WWOX: variants seen among roughly 807,000 people sequenced by gnomAD.
The protein encoded by WWOX is WW domain containing oxidoreductase.
WWOX carries 69 observed loss-of-function variants against 46.2 expected under a neutral mutation model. The ratio of observed to expected loss-of-function variants is 1.49; its 90% CI spans 1.23 to 1.82. The LOEUF is 1.82. WWOX is among the 40% of genes most tolerant of loss of function. The probability of loss-of-function intolerance (pLI) is 0.00; values close to 1 mark genes in which losing one functional copy is unlikely to be tolerated. For missense variants in WWOX, 919 were observed against 542.6 expected (o/e 1.69, Z -6.89); for synonymous variants, 359 against 202.6 (o/e 1.77, Z -6.56).
intron 8 of WWOX, among the ~76,000 whole-genome samples, chr16:78,744,386 A>T (rs918800726): frequency 2.7e-5 from 4 of 149,110 alleles, no homozygotes; most frequent in Non-Finnish European, 4.4e-5. Context: ...AGACGCTTGA[A>T]GGGGCCAGAT....
At chr16:78,662,715 G>T (rs2142176754) in intron 8 of WWOX, among the ~76,000 whole-genome samples, 2 of 152,316 alleles carry the variant, frequency 1.3e-5, no homozygotes, top group Non-Finnish European at 2.9e-5. Flanking sequence ...TGTAATTGAG[G>T]GTGGTCATTG....
At chr16:78,563,297 C>G (rs2044482601) in intron 8 of WWOX, among the ~76,000 whole-genome samples, 1 of 152,114 alleles carries the variant, frequency 6.6e-6, no homozygotes, top group Non-Finnish European at 1.5e-5. Context: ...CCTTCTGCAA[C>G]TTTCCTTTTA....
At chr16:78,477,052 T>G (rs1184410786) in intron 8 of WWOX, among the ~76,000 whole-genome samples, 1 of 152,158 alleles carries the variant, frequency 6.6e-6, no homozygotes, top group African/African-American at 2.4e-5. Flanking sequence ...AACACAATCT[T>G]GAATTACCAG....
rs182608280 is a variant in WWOX, at chr16:78,415,508, C to G, written c.606-9362C>G. ...CCAGTAGGTCTCAATCTTATTTTAC[C>G]CAGCCCCTATTCAAAATGGAGTCAC... On this transcript the variant is annotated intron_variant, in intron 6 of 8. Coordinates refer to ENST00000566780, the MANE Select transcript of WWOX (RefSeq NM_016373.4). Among the ~76,000 whole-genome samples, 26 of 152,220 alleles carry G rather than the reference C, an allele frequency of 1.7e-4. No individual in the cohort carries two copies. The East Asian group carries it at 4.8e-3, about 28-fold the overall frequency.
At chr16:78,773,354 C>G (rs902444213) in intron 8 of WWOX, among the ~76,000 whole-genome samples, 3 of 152,190 alleles carry the variant, frequency 2.0e-5, no homozygotes, top group Admixed American at 6.5e-5. Flanking sequence ...GAATGTTCAG[C>G]TGTTTCCTAG....
intron 8 of WWOX, among the ~76,000 whole-genome samples, chr16:78,807,844 A>C (rs1037297428): frequency 1.2e-4 from 19 of 152,202 alleles, no homozygotes; most frequent in African/African-American, 4.1e-4. Context: ...ACATTTGTAA[A>C]AATCACTTCT....
chr16:78,728,705 AG>A (rs1327781646), intron 8 of WWOX, among the ~76,000 whole-genome samples: 2 of 152,190 alleles, frequency 1.3e-5, no homozygotes, highest in Non-Finnish European at 2.9e-5. Context: ...TGATCTGTAT[AG>A]CCTTTTCCAG....
chr16:78,313,620 C>T (rs2080293339), intron 5 of WWOX, among the ~76,000 whole-genome samples: 1 of 152,218 alleles, frequency 6.6e-6, no homozygotes, highest in Non-Finnish European at 1.5e-5. Context: ...CCTGCCTTGG[C>T]CTCCCAAGGT....
At chr16:78,981,541 G>T (rs1054316611) in intron 8 of WWOX, among the ~76,000 whole-genome samples, 2 of 151,890 alleles carry the variant, frequency 1.3e-5, no homozygotes, top group Non-Finnish European at 2.9e-5. Flanking sequence ...GGGTTCAGGT[G>T]ATTCTCCTGC....
At chr16:78,853,603 A>G (rs139903582) in intron 8 of WWOX, among the ~76,000 whole-genome samples, 18 of 152,236 alleles carry the variant, frequency 1.2e-4, no homozygotes, top group Admixed American at 1.2e-3. Context: ...TCTTCTCATC[A>G]AGGATTTTAT....
chr16:78,683,851 C>G (rs1173603084), intron 8 of WWOX, among the ~76,000 whole-genome samples: 1 of 152,140 alleles, frequency 6.6e-6, no homozygotes. Context: ...AATTCGGCGT[C>G]TTTGGTCACA....
At chr16:78,390,900 C>T (rs1313823753) in intron 6 of WWOX, among the ~76,000 whole-genome samples, 1 of 152,170 alleles carries the variant, frequency 6.6e-6, no homozygotes, top group Non-Finnish European at 1.5e-5. Flanking sequence ...CATGTGGATG[C>T]TCTTATTTAA....
chr16:79,018,778 C>A (rs2047469123), intron 8 of WWOX, among the ~76,000 whole-genome samples: 1 of 152,114 alleles, frequency 6.6e-6, no homozygotes, highest in African/African-American at 2.4e-5. Context: ...GTGCTAAATA[C>A]AGTGCTTTGA....
chr16:78,127,696 G>A (rs1305481175), intron 4 of WWOX, among the ~76,000 whole-genome samples: 1 of 152,152 alleles, frequency 6.6e-6, no homozygotes, highest in African/African-American at 2.4e-5. Flanking sequence ...GTTCACCCAA[G>A]TTTGTGATAG....
chr16:78,745,328 C>A (rs1489435004), intron 8 of WWOX, among the ~76,000 whole-genome samples: 2 of 152,180 alleles, frequency 1.3e-5, no homozygotes, highest in East Asian at 1.9e-4. Flanking sequence ...CTTCAAAAGC[C>A]TGAATTTCCA....
intron 6 of WWOX, among the ~76,000 whole-genome samples, chr16:78,416,136 C>T (rs76795622): frequency 4.1e-4 from 62 of 152,302 alleles, no homozygotes; most frequent in African/African-American, 1.5e-3. Context: ...CCTTAAAATG[C>T]TGACTAGTAA....
At chr16:78,353,572 C>T (rs1273287788) in intron 5 of WWOX, among the ~76,000 whole-genome samples, 1 of 152,206 alleles carries the variant, frequency 6.6e-6, no homozygotes, top group Non-Finnish European at 1.5e-5. Flanking sequence ...TAGCTATATT[C>T]TTGGTATTCA....
intron 5 of WWOX, among the ~76,000 whole-genome samples, chr16:78,298,906 T>A (rs2151865587): frequency 6.6e-6 from 1 of 152,250 alleles, no homozygotes; most frequent in African/African-American, 2.4e-5. Context: ...AACTGTTAGC[T>A]CTCTTATTGC....
chr16:78,166,149 C>A (rs1052497646), intron 5 of WWOX, among the ~76,000 whole-genome samples: 2 of 152,052 alleles, frequency 1.3e-5, no homozygotes, highest in African/African-American at 4.8e-5. Context: ...CAAACACACT[C>A]ACATTCTGTT....
Sources: gnomAD v4.1 joint callset for allele counts (sites outside exome capture counted in the v4.1 genomes callset) on GRCh38, gnomAD v4.1.1 for gene constraint, MANE v1.5 for transcripts, NCBI Gene and HGNC (gene_info 2026-07-23, HGNC 2026-07-21) for gene names.